Variants in DSCAML1 observed in about 807,000 individuals in gnomAD.
DSCAML1 encodes the protein cell adhesion molecule DSCAML1.
A neutral mutation model predicts 200.5 loss-of-function variants in DSCAML1; 38 were observed. That is an observed-to-expected ratio of 0.19 (90% CI 0.15 to 0.25). The LOEUF (loss-of-function observed/expected upper bound fraction) is 0.25, where lower values mean the gene tolerates loss of function less well. Among genes scored for constraint, DSCAML1 ranks in the 10% least tolerant of loss-of-function variants. The probability of loss-of-function intolerance (pLI) is 1.00; values close to 1 mark genes in which losing one functional copy is unlikely to be tolerated. For synonymous variants in DSCAML1, 1,215 were observed against 1,165.0 expected (o/e 1.04, Z -0.87); for missense variants, 2,223 against 2,858.8 (o/e 0.78, Z 5.07).
In DSCAML1 at chr11:117,469,210, G is replaced by A. The variant is rs638273; in HGVS notation, c.3024+700C>T. On this transcript the variant is annotated intron_variant, in intron 16 of 32. Coordinates refer to ENST00000651296, the MANE Select transcript of DSCAML1 (RefSeq NM_020693.4). This position sits in a 1 kb window ranked among gnomAD's most constrained non-coding sequence, Gnocchi z 4.1. ...CCCAGGAATGAGGAGAGGGTCAGAT[G>A]AGTTGGTAAAGAGAAAGCACTTGGA... Among the ~76,000 whole-genome samples the A allele has an allele frequency of 0.42, 63,941 of 152,044 alleles. 17,291 individuals carry two copies. The highest frequency in any genetic ancestry group is 0.75 in the African/African-American group (30,961 of 41,454).
chr11:117,558,255 C>T (rs1039502058), intron 3 of DSCAML1, among the ~76,000 whole-genome samples: 7 of 152,072 alleles, frequency 4.6e-5, no homozygotes, highest in Admixed American at 6.6e-5. Flanking sequence ...TGAAATTTCA[C>T]GAAACGTGAG....
chr11:117,728,434 G>A (rs895452577), intron 3 of DSCAML1, among the ~76,000 whole-genome samples: 3 of 152,134 alleles, frequency 2.0e-5, no homozygotes, highest in African/African-American at 4.8e-5. Context: ...GGTTCTCACC[G>A]GGGCAATTAG....
At chr11:117,619,197 C>T (rs1386661503) in intron 3 of DSCAML1, among the ~76,000 whole-genome samples, 5 of 152,254 alleles carry the variant, frequency 3.3e-5, no homozygotes, top group Non-Finnish European at 5.9e-5. Flanking sequence ...TACTCCAGCC[C>T]CTGGTGGCTG....
chr11:117,587,389 G>T (rs954611373), intron 3 of DSCAML1, among the ~76,000 whole-genome samples: 2 of 151,994 alleles, frequency 1.3e-5, no homozygotes, highest in African/African-American at 4.8e-5. Flanking sequence ...GCTGCAGTCT[G>T]CCCTCCTCCT....
intron 31 of DSCAML1, 24 bp downstream of exon 31, chr11:117,431,510 A>C: frequency 6.6e-7 from 1 of 1,519,354 alleles, no homozygotes. Flanking sequence ...GGTGTTCAGG[A>C]TGCCAGCAGG....
Position 117,433,157 on chromosome 11 carries a change from T to C in DSCAML1, c.5007A>G (p.Lys1669=), listed in dbSNP as rs751873756. 3.1e-6 allele frequency: 5 copies of C among 1,613,982 alleles called. No individual in the cohort carries two copies. The highest frequency in any genetic ancestry group is 4.2e-6 in the Non-Finnish European group (5 of 1,179,920). Residue 1669 remains lysine (K), a synonymous_variant, in exon 29 of 33, where the codon AAA becomes AAG. Transcript: ENST00000651296. ...IPRVQLLIED[K]EGIKQLGDDK... is the part of the protein sequence containing the mutation. ...ACTCACCCAGTTGCTTGATGCCTTC[T>C]TTGTCCTCGATGAGCAGCTGGACCC...
At chr11:117,544,865 T>C (rs1184745183) in intron 3 of DSCAML1, among the ~76,000 whole-genome samples, 1 of 152,128 alleles carries the variant, frequency 6.6e-6, no homozygotes, top group Non-Finnish European at 1.5e-5. Flanking sequence ...TATCTGGAGA[T>C]AGAGCCTTTA....
chr11:117,808,515 G>C (rs1329801104), intron 1 of DSCAML1, among the ~76,000 whole-genome samples: 1 of 151,334 alleles, frequency 6.6e-6, no homozygotes, highest in African/African-American at 2.5e-5. Context: ...GCACAGGTGA[G>C]GTGAAGGAGA....
chr11:117,619,108 G>T (rs977704139), intron 3 of DSCAML1, among the ~76,000 whole-genome samples: 2 of 152,184 alleles, frequency 1.3e-5, no homozygotes, highest in Non-Finnish European at 2.9e-5. Context: ...CTAGCTCGGG[G>T]CGCCTGTGCC....
chr11:117,639,020 C>T (rs1463642301), intron 3 of DSCAML1, among the ~76,000 whole-genome samples: 2 of 152,200 alleles, frequency 1.3e-5, no homozygotes, highest in African/African-American at 4.8e-5. Context: ...ATTTCTACAT[C>T]CTGGACAGCA....
intron 11 of DSCAML1, among the ~76,000 whole-genome samples, chr11:117,484,036 T>G: frequency 4.7e-5 from 1 of 21,200 alleles, no homozygotes. Flanking sequence ...CCCCCGCCCC[T>G]GCCCCCCGCC....
At chr11:117,717,277 C>T (rs2053966785) in intron 3 of DSCAML1, among the ~76,000 whole-genome samples, 1 of 152,124 alleles carries the variant, frequency 6.6e-6, no homozygotes, top group African/African-American at 2.4e-5. Context: ...ACCTGCACTG[C>T]CCTGCCCCCC....
At chr11:117,676,833 T>A (rs973177602) in intron 3 of DSCAML1, among the ~76,000 whole-genome samples, 2 of 152,168 alleles carry the variant, frequency 1.3e-5, no homozygotes, top group African/African-American at 4.8e-5. Flanking sequence ...AACGGGCTTG[T>A]AGGTGGGCTA....
At chr11:117,811,972 C>T (rs1446251159) in intron 1 of DSCAML1, among the ~76,000 whole-genome samples, 3 of 152,324 alleles carry the variant, frequency 2.0e-5, no homozygotes, top group Admixed American at 1.3e-4. Context: ...CTGGTGCCAA[C>T]TTAGACAACA....
chr11:117,797,852 GT>G (rs34149035), upstream of DSCAML1, among the ~76,000 whole-genome samples: 83,280 of 152,084 alleles, frequency 0.55, 23,417 homozygotes, highest in African/African-American at 0.68. Flanking sequence ...CGCTACCTGT[GT>G]TATCTTCCTC....
rs2049945886 is a variant in DSCAML1, at chr11:117,524,841, C to T, written c.901G>A (p.Gly301Ser). The change falls in exon 5 of 33, where the codon GGT becomes AGT. Residue 301 changes from glycine (G) to serine (S), a missense_variant. Transcript: ENST00000651296. ...AGGATGCCTGTGGCCTCTGCCGAAC[C>T]GAAGGTGTTGGTGACCTCACAAATG... ...TYICEVTNTFGSAEATGILMV... is the reference protein window; with the variant it reads ...TYICEVTNTFSSAEATGILMV... 2 of 1,594,158 alleles carry T rather than the reference C, an allele frequency of 1.3e-6. No individual in the cohort carries two copies. The highest frequency in any genetic ancestry group is 1.1e-5 in the South Asian group (1 of 87,716).
chr11:117,555,898 G>A (rs1259279682), intron 3 of DSCAML1, among the ~76,000 whole-genome samples: 1 of 150,662 alleles, frequency 6.6e-6, no homozygotes, highest in African/African-American at 2.4e-5. Flanking sequence ...ATGGAGTGAG[G>A]TTGGCAGCAG....
intron 3 of DSCAML1, among the ~76,000 whole-genome samples, chr11:117,566,624 A>T (rs894803842): frequency 1.3e-5 from 2 of 151,420 alleles, no homozygotes; most frequent in African/African-American, 4.9e-5. Context: ...CATGTGCACC[A>T]TGTGCAGGTT....
chr11:117,554,206 G>T lies in DSCAML1; in HGVS notation c.512-21684C>A, dbSNP rs183281096. On this transcript the variant is annotated intron_variant, in intron 3 of 32. Transcript: ENST00000651296. ...TGGGTCCAGAGTTTCTGATGACAAA[G>T]TTTTGGAAATAGTGGCGATGGCTGT... Among the ~76,000 whole-genome samples the T allele has an allele frequency of 2.8e-3, 425 of 152,248 alleles. 5 individuals are homozygous for T. The highest frequency in any genetic ancestry group is 8.3e-3 in the African/African-American group (344 of 41,532).
Sources: allele counts gnomAD v4.1 joint callset (sites outside exome capture counted in the v4.1 genomes callset), GRCh38; gene constraint gnomAD v4.1.1; non-coding constraint Gnocchi (gnomAD v3.1); transcripts MANE v1.5; gene names NCBI Gene and HGNC (gene_info 2026-07-23, HGNC 2026-07-21).